The following ZNF423 variants were observed in gnomAD, a reference collection of about 807,000 sequenced individuals.
ZNF423 encodes Ebf-associated zinc finger protein.
A neutral mutation model predicts 95.8 loss-of-function variants in ZNF423; 12 were observed. The observed-to-expected ratio is 0.13, with a 90% confidence interval of 0.08 to 0.20. The LOEUF (loss-of-function observed/expected upper bound fraction) is 0.20, where lower values mean the gene tolerates loss of function less well. Ranked by LOEUF, ZNF423 falls within the 10% of genes least tolerant of loss-of-function variation. The pLI is 1.00. For synonymous variants in ZNF423, 749 were observed against 711.9 expected (o/e 1.05, Z -0.83); for missense variants, 1,316 against 1,737.1 (o/e 0.76, Z 4.31).
intron 6 of ZNF423, 82 bp from the exon 7 acceptor site, chr16:49,523,821 G>C (rs1968500025): frequency 1.8e-6 from 2 of 1,127,192 alleles, no homozygotes; most frequent in Non-Finnish European, 2.6e-6. Flanking sequence ...AACACTCGCA[G>C]GCAGGGATCA....
intron 7 of ZNF423, among the ~76,000 whole-genome samples, chr16:49,503,894 GC>G (rs1451817788): frequency 2.4e-4 from 37 of 152,320 alleles, no homozygotes; most frequent in African/African-American, 8.2e-4. Flanking sequence ...AAATACAGTT[GC>G]CCCGCTCCAC....
chr16:49,606,810 A>G (rs1279157782), intron 5 of ZNF423, among the ~76,000 whole-genome samples: 1 of 152,180 alleles, frequency 6.6e-6, no homozygotes, highest in Non-Finnish European at 1.5e-5. Context: ...CTGACTGAGT[A>G]ATGCTCCTGC....
chr16:49,526,980 T>C (rs1420204783), intron 5 of ZNF423, among the ~76,000 whole-genome samples: 1 of 152,196 alleles, frequency 6.6e-6, no homozygotes, highest in East Asian at 1.9e-4. Context: ...CCAGGTGCTC[T>C]GATTTGCCCT....
intron 3 of ZNF423, among the ~76,000 whole-genome samples, chr16:49,676,943 C>A (rs557449436): frequency 6.6e-6 from 1 of 151,986 alleles, no homozygotes; most frequent in Non-Finnish European, 1.5e-5. Flanking sequence ...TTAGGCCAGG[C>A]CTGGTGGCTC....
At chr16:49,768,480 C>T (rs1178708418) in intron 2 of ZNF423, among the ~76,000 whole-genome samples, 1 of 152,218 alleles carries the variant, frequency 6.6e-6, no homozygotes, top group Non-Finnish European at 1.5e-5. Context: ...CATGTACTCC[C>T]ACGCCATCGC....
At chr16:49,800,606 G>A (rs1346796703) in intron 1 of ZNF423, among the ~76,000 whole-genome samples, 3 of 151,846 alleles carry the variant, frequency 2.0e-5, no homozygotes, top group Admixed American at 6.6e-5. Context: ...ACACTCCTGC[G>A]CACACACTTG....
At chr16:49,720,927 G>A (rs1373487069) in intron 3 of ZNF423, among the ~76,000 whole-genome samples, 2 of 152,218 alleles carry the variant, frequency 1.3e-5, no homozygotes, top group Non-Finnish European at 2.9e-5. Context: ...GGGCGGGGGT[G>A]AGTCTTGGTC....
In ZNF423 at chr16:49,789,546, A is replaced by G; in HGVS notation, c.41T>C (p.Val14Ala). 1.2e-6 allele frequency: 2 copies of G among 1,611,816 alleles called. No homozygotes were observed. The highest frequency in any genetic ancestry group is 1.7e-4 in the Middle Eastern group (1 of 6,052). Residue 14 changes from valine to alanine, a missense_variant and splice_region_variant, in exon 2 of 8, where the codon GTT becomes GCT. Transcript: ENST00000563137. ...GAAGTCTGAGGCCTCCCCCTCTTCA[A>G]CTGAAAGAGAGAACAGAGATGGGCC... ...RKQAKPRSVK[V>A]EEGEASDFSL...
intron 3 of ZNF423, among the ~76,000 whole-genome samples, chr16:49,668,413 G>A (rs1365636874): frequency 6.6e-6 from 1 of 152,162 alleles, no homozygotes; most frequent in East Asian, 1.9e-4. Context: ...TCTTGCCCAG[G>A]CAGGTCCTCC....
chr16:49,637,803 A>G lies in ZNF423; in HGVS notation c.1373T>C (p.Met458Thr). ...SHTCQICLDS[M>T]PTLYNLNEHV... is the part of the protein sequence containing the mutation. ...CTCGTTGAGGTTGTAGAGGGTGGGC[A>G]TGGAGTCCAGGCAGATCTGACATGT... Residue 458 changes from methionine (M) to threonine (T), a missense_variant, in exon 4 of 8, where the codon ATG becomes ACG. Around this residue, in one of 6 missense-constraint regions of ZNF423, gnomAD observed 399 missense variants for 478.5 expected, o/e 0.83. Transcript: ENST00000563137. The surrounding 1 kb of genome is among the most constrained non-coding windows in gnomAD (Gnocchi z 5.6). 3 of 1,614,152 alleles carry G rather than the reference A, an allele frequency of 1.9e-6. No individual in the cohort carries two copies. Among genetic ancestry groups the G allele is most frequent in the Non-Finnish European group, 2.5e-6 (3 of 1,180,026 alleles).
At chr16:49,827,110 A>G (rs904643630) in intron 1 of ZNF423, 2 of 152,236 alleles carry the variant, frequency 1.3e-5, no homozygotes, top group African/African-American at 4.8e-5. Flanking sequence ...ATTAAAAAAT[A>G]TAATTGCCAA....
In ZNF423 at chr16:49,738,315, C is replaced by T. The variant is rs112114674; in HGVS notation, c.101-7344G>A. The stretch of plus-strand genomic sequence containing the variant: ...GAATAAATGAATGCCCAAGAGGATA[C>T]GCTAAGTAGTAAGGGGCCGGCATCC... On this transcript the variant is annotated intron_variant, in intron 2 of 7. Coordinates refer to ENST00000563137, the MANE Select transcript of ZNF423 (RefSeq NM_001379286.1). Among the ~76,000 whole-genome samples the T allele has an allele frequency of 7.6e-3, 1,163 of 152,192 alleles. 21 individuals are homozygous for T. Among genetic ancestry groups the T allele is most frequent in the African/African-American group, 0.027 (1,107 of 41,456 alleles).
chr16:49,680,393 A>G (rs1193151750), intron 3 of ZNF423, among the ~76,000 whole-genome samples: 1 of 152,226 alleles, frequency 6.6e-6, no homozygotes, highest in Admixed American at 6.5e-5. Context: ...AGAACTTGGT[A>G]CGTGCTGAAT....
chr16:49,638,880 AGAG>A lies in ZNF423; in HGVS notation c.302-9_302-7del. On this transcript the variant is annotated splice_region_variant and splice_polypyrimidine_tract_variant and intron_variant, in intron 3 of 7. Transcript: ENST00000563137. This position sits in a 1 kb window ranked among gnomAD's most constrained non-coding sequence, Gnocchi z 5.6. The stretch of plus-strand genomic sequence containing the variant: ...TTGTGGGTCGTCATCACCATCTGCA[AGAG>A]AAGGCAGAGAGGATATTAGAGGCAA... 6.3e-7 allele frequency: 1 copy of A among 1,594,888 alleles called. No homozygotes were observed. The highest frequency in any genetic ancestry group is 8.6e-7 in the Non-Finnish European group (1 of 1,169,516).
intron 3 of ZNF423, among the ~76,000 whole-genome samples, chr16:49,728,533 C>A (rs911892687): frequency 3.9e-5 from 6 of 152,100 alleles, no homozygotes; most frequent in Admixed American, 6.5e-5. Flanking sequence ...CAGCTGGGGA[C>A]CCTGCAAACA....
At chr16:49,677,749 G>GT (rs2031176608) in intron 3 of ZNF423, among the ~76,000 whole-genome samples, 2 of 134,736 alleles carry the variant, frequency 1.5e-5, no homozygotes, top group Non-Finnish European at 3.1e-5. Context: ...GCAAGACCCT[G>GT]TCTCAAAAAA....
chr16:49,696,832 C>T (rs550749405), intron 3 of ZNF423, among the ~76,000 whole-genome samples: 1 of 152,192 alleles, frequency 6.6e-6, no homozygotes, highest in African/African-American at 2.4e-5. Context: ...GGAGGCTCCT[C>T]GAAGGGACAA....
At chr16:49,624,293 G>A (rs1421245459) in intron 5 of ZNF423, among the ~76,000 whole-genome samples, 8 of 152,128 alleles carry the variant, frequency 5.3e-5, no homozygotes, top group African/African-American at 1.9e-4. Context: ...ACTCATGCCT[G>A]TAATCCCAGA....
At chr16:49,777,767 G>A (rs2034144286) in intron 2 of ZNF423, among the ~76,000 whole-genome samples, 1 of 152,228 alleles carries the variant, frequency 6.6e-6, no homozygotes, top group Non-Finnish European at 1.5e-5. Flanking sequence ...TTGCTCATCT[G>A]TGAGACGGGA....
Sources: gnomAD v4.1 joint callset for allele counts (sites outside exome capture counted in the v4.1 genomes callset) on GRCh38, gnomAD v4.1.1 for gene constraint, gnomAD v4.1.1 regional missense constraint, Gnocchi (gnomAD v3.1) non-coding constraint, MANE v1.5 for transcripts, NCBI Gene and HGNC (gene_info 2026-07-23, HGNC 2026-07-21) for gene names.